WDPCP: variants seen among roughly 807,000 people sequenced by gnomAD.
The protein encoded by WDPCP is WD repeat containing planar cell polarity effector, also known as WD repeat-containing and planar cell polarity effector protein fritz homolog.
In WDPCP, 71 loss-of-function variants were observed where a neutral mutation model predicts 93.1. The ratio of observed to expected loss-of-function variants is 0.76; its 90% CI spans 0.63 to 0.93. The LOEUF (loss-of-function observed/expected upper bound fraction) is 0.93. Among genes scored for constraint, WDPCP ranks in the 40% least tolerant of loss-of-function variants. WDPCP has a pLI of 0.00. For missense variants in WDPCP, 844 were observed against 887.4 expected, an observed-to-expected ratio of 0.95 and a Z score of 0.62; for synonymous variants, 315 against 315.0, an observed-to-expected ratio of 1.00 and a Z score of 0.00.
chr2:63,343,924 G>A (rs988476099), intron 12 of WDPCP, among the ~76,000 whole-genome samples: 2 of 151,950 alleles, frequency 1.3e-5, no homozygotes, highest in African/African-American at 2.4e-5. Flanking sequence ...CATTATCCTG[G>A]TTTCCCTTAG....
intron 2 of WDPCP, among the ~76,000 whole-genome samples, chr2:63,668,747 A>G (rs536743441): frequency 6.6e-6 from 1 of 152,156 alleles, no homozygotes; most frequent in African/African-American, 2.4e-5. Context: ...CTGTTTCTAC[A>G]CAACTTTCTC....
intron 3 of WDPCP, among the ~76,000 whole-genome samples, chr2:63,617,700 A>AAGAT (rs1385342938): frequency 5.3e-5 from 8 of 152,200 alleles, no homozygotes; most frequent in Non-Finnish European, 8.8e-5. Context: ...ATCTTCCTGG[A>AAGAT]ACAAATACCT....
At chr2:63,761,102 C>T (rs1442100340) in intron 2 of WDPCP, among the ~76,000 whole-genome samples, 5 of 152,116 alleles carry the variant, frequency 3.3e-5, no homozygotes, top group Admixed American at 3.3e-4. Context: ...AAACTTAATC[C>T]CAAATGCAAC....
At chr2:63,221,993 A>G (rs544954129) in intron 14 of WDPCP, among the ~76,000 whole-genome samples, 1 of 152,302 alleles carries the variant, frequency 6.6e-6, no homozygotes, top group Non-Finnish European at 1.5e-5. Context: ...ATCCTTTCCC[A>G]TAGTTGGAGA....
intron 2 of WDPCP, among the ~76,000 whole-genome samples, chr2:63,706,470 A>G (rs987420886): frequency 5.3e-5 from 8 of 151,466 alleles, no homozygotes; most frequent in African/African-American, 1.9e-4. Flanking sequence ...TTCCTTCAGG[A>G]GCTCTTTTAG....
At chr2:63,722,806 G>A (rs1314587117) in intron 2 of WDPCP, among the ~76,000 whole-genome samples, 3 of 152,066 alleles carry the variant, frequency 2.0e-5, no homozygotes, top group Non-Finnish European at 4.4e-5. Context: ...CATTGAGAAC[G>A]GGCCAGGATG....
At chr2:63,721,570 C>G (rs1354318502) in intron 2 of WDPCP, among the ~76,000 whole-genome samples, 3 of 152,160 alleles carry the variant, frequency 2.0e-5, no homozygotes, top group Admixed American at 6.5e-5. Flanking sequence ...ATCTCATAAC[C>G]AGTAACTTTC....
At chr2:63,181,441 G>A (rs1022711580) in intron 14 of WDPCP, among the ~76,000 whole-genome samples, 2 of 151,968 alleles carry the variant, frequency 1.3e-5, no homozygotes, top group Non-Finnish European at 2.9e-5. Flanking sequence ...ACCACTTATT[G>A]TAAAGGATGT....
chr2:63,731,427 A>T (rs1351360225), intron 2 of WDPCP, among the ~76,000 whole-genome samples: 4 of 152,194 alleles, frequency 2.6e-5, no homozygotes, highest in African/African-American at 9.7e-5. Context: ...GACACTTAGT[A>T]TATATTCACT....
chr2:63,318,951 T>C (rs1183824599), intron 12 of WDPCP, among the ~76,000 whole-genome samples: 1 of 151,998 alleles, frequency 6.6e-6, no homozygotes, highest in Non-Finnish European at 1.5e-5. Context: ...GAATAACTTA[T>C]ACATAAAGTT....
intron 3 of WDPCP, chr2:63,594,675 C>T: frequency 1.1e-6 from 1 of 912,296 alleles, no homozygotes; most frequent in African/African-American, 1.7e-5. Context: ...AATTGTTAAA[C>T]AGTGAAGGAA....
chr2:63,258,145 G>T (rs192442188), intron 14 of WDPCP, among the ~76,000 whole-genome samples: 2 of 152,260 alleles, frequency 1.3e-5, no homozygotes, highest in African/African-American at 2.4e-5. Context: ...GCTATTATTA[G>T]TAGTAGTACA....
chr2:63,441,832 A>G (rs1450644015), intron 6 of WDPCP: 1 of 152,100 alleles, frequency 6.6e-6, no homozygotes, highest in African/African-American at 2.4e-5. Context: ...TTAATTCACC[A>G]AAAACTGAAT....
At chr2:63,597,884 T>C (rs994615799) in intron 3 of WDPCP, 19 of 172,982 alleles carry the variant, frequency 1.1e-4, no homozygotes, top group South Asian at 1.0e-3. Context: ...GGAATATTTA[T>C]TTAGACATTT....
At chr2:63,600,033 T>C (rs983271528) in intron 3 of WDPCP, 2 of 152,276 alleles carry the variant, frequency 1.3e-5, no homozygotes, top group Non-Finnish European at 2.9e-5. Flanking sequence ...CCATCCCTTC[T>C]TGTCTGTAGG....
intron 13 of WDPCP, among the ~76,000 whole-genome samples, chr2:63,284,236 A>C (rs1455692233): frequency 1.3e-5 from 2 of 152,236 alleles, no homozygotes; most frequent in Non-Finnish European, 2.9e-5. Context: ...GAAGTGGTAT[A>C]TTATTTGAAA....
At chr2:63,344,898 TG>T (rs1689089634) in intron 12 of WDPCP, among the ~76,000 whole-genome samples, 1 of 152,146 alleles carries the variant, frequency 6.6e-6, no homozygotes, top group African/African-American at 2.4e-5. Flanking sequence ...CACTGGGAAC[TG>T]GGGGTGATAC....
chr2:63,598,573 T>G (rs1709361073), intron 3 of WDPCP, among the ~76,000 whole-genome samples: 1 of 152,224 alleles, frequency 6.6e-6, no homozygotes, highest in Non-Finnish European at 1.5e-5. Context: ...TAAGATTTTT[T>G]AAGTTGCCCA....
At chr2:63,500,454 G>GTGTGTGTGT (rs1553412903) in intron 1 of WDPCP, among the ~76,000 whole-genome samples, 13,996 of 149,482 alleles carry the variant, frequency 0.094, 725 homozygotes, top group East Asian at 0.13. Context: ...ATGGTGTGGG[G>GTGTGTGTGT]GTGTGTGTGT....
Sources: allele counts gnomAD v4.1 joint callset (sites outside exome capture counted in the v4.1 genomes callset), GRCh38; gene constraint gnomAD v4.1.1; transcripts MANE v1.5; gene names NCBI Gene and HGNC (gene_info 2026-07-23, HGNC 2026-07-21).